The following EPB41L1 variants were observed in gnomAD, a reference collection of about 807,000 sequenced individuals.
EPB41L1 encodes erythrocyte membrane protein band 4.1 like 1.
In EPB41L1, 29 loss-of-function variants were observed where a neutral mutation model predicts 97.8. The observed-to-expected ratio is 0.30, with a 90% CI of 0.22 to 0.40. The LOEUF (loss-of-function observed/expected upper bound fraction) is 0.40. EPB41L1 is among the 10% of genes least tolerant of loss of function. EPB41L1 has a pLI of 1.00. For synonymous variants in EPB41L1, 383 were observed against 459.2 expected, an observed-to-expected ratio of 0.83 and a Z score of 2.12; for missense variants, 812 against 1,162.3, an observed-to-expected ratio of 0.70 and a Z score of 4.38.
At chr20:36,175,225 T>C (rs987410087) in intron 2 of EPB41L1, among the ~76,000 whole-genome samples, 69 of 152,218 alleles carry the variant, frequency 4.5e-4, no homozygotes, top group African/African-American at 1.6e-3. Flanking sequence ...TGATGAGTCA[T>C]GTGCTGCTCT....
intron 2 of EPB41L1, among the ~76,000 whole-genome samples, chr20:36,116,716 C>A (rs2058595826): frequency 6.6e-6 from 1 of 152,176 alleles, no homozygotes; most frequent in African/African-American, 2.4e-5. Context: ...TGCCTCTCAC[C>A]CATGGAGGGG....
chr20:36,150,664 T>C (rs1373779944), upstream of EPB41L1: 1 of 152,204 alleles, frequency 6.6e-6, no homozygotes, highest in African/African-American at 2.4e-5. Flanking sequence ...GGATTAATAA[T>C]TTCAGTGCCA....
chr20:36,114,947 G>A lies in EPB41L1; in HGVS notation c.-10+2467G>A, dbSNP rs116249041. Reference sequence around the variant, plus strand: ...TTGGCAGACCACGAGAACATGCTAGGATATTAGTGGAGCTCTAGGTTGTAA... The same window carrying A: ...TTGGCAGACCACGAGAACATGCTAGAATATTAGTGGAGCTCTAGGTTGTAA... On this transcript the variant is annotated intron_variant, in intron 2 of 19. Coordinates refer to the EPB41L1 transcript ENST00000202028. Among the ~76,000 whole-genome samples, 1,371 of 152,188 alleles carry A rather than the reference G, an allele frequency of 9.0e-3. 23 individuals carry two copies. Among genetic ancestry groups the A allele is most frequent in the African/African-American group, 0.031 (1,307 of 41,506 alleles).
rs780121481 is a variant in EPB41L1, at chr20:36,209,453, C to T, written c.1669-35C>T. 2 of 1,607,560 alleles carry T rather than the reference C, an allele frequency of 1.2e-6. No homozygotes were observed. The highest frequency in any genetic ancestry group is 1.7e-5 in the Admixed American group (1 of 59,784). On this transcript the variant is annotated intron_variant, in intron 14 of 21. Transcript: ENST00000338074. The surrounding 1 kb of genome is among the most constrained non-coding windows in gnomAD (Gnocchi z 4.2). ...TCTCTTTCTCTCTCTCTCCCCACCCCACATCCCCATTCTTTTGATTTTATC... is the reference window on the plus strand; with the variant it reads ...TCTCTTTCTCTCTCTCTCCCCACCCTACATCCCCATTCTTTTGATTTTATC...
chr20:36,144,178 G>T (rs553533162), intron 2 of EPB41L1, among the ~76,000 whole-genome samples: 1 of 152,056 alleles, frequency 6.6e-6, no homozygotes, highest in Non-Finnish European at 1.5e-5. Context: ...AACTGCGCTA[G>T]TCCAACCCCC....
At chr20:36,187,900 TC>T (rs2061752845) in intron 8 of EPB41L1, 137 bp downstream of exon 8, 6 of 762,302 alleles carry the variant, frequency 7.9e-6, no homozygotes, top group Non-Finnish European at 1.4e-5. Context: ...TTCTCATTTC[TC>T]GAAGTTCCAT....
At chr20:36,106,955 A>G (rs2058211228) in intron 1 of EPB41L1, among the ~76,000 whole-genome samples, 1 of 152,092 alleles carries the variant, frequency 6.6e-6, no homozygotes, top group South Asian at 2.1e-4. Flanking sequence ...GGCATGCCCC[A>G]CCATGCTTGG....
At chr20:36,179,642 C>A (rs2061395091) in intron 5 of EPB41L1, among the ~76,000 whole-genome samples, 1 of 152,252 alleles carries the variant, frequency 6.6e-6, no homozygotes, top group African/African-American at 2.4e-5. Context: ...CGCCTCGAGG[C>A]AGAGATGCCT....
Position 36,195,486 on chromosome 20 carries a change from G to A in EPB41L1, c.1485+122G>A. On this transcript the variant is annotated intron_variant, in intron 13 of 21. Coordinates refer to ENST00000338074, the MANE Select transcript of EPB41L1 (RefSeq NM_012156.2). The surrounding 1 kb of genome is among the most constrained non-coding windows in gnomAD (Gnocchi z 4.6). ...CCATCTCAGCTTCAACTTCATCTCT[G>A]CTCCCCAGCCATCCCCCTCTGCAGC... is the stretch of plus-strand genomic sequence containing the variant. The A allele has an allele frequency of 8.5e-7, 1 of 1,173,306 alleles. No individual in the cohort carries two copies. Among genetic ancestry groups the A allele is most frequent in the Non-Finnish European group, 1.3e-6 (1 of 797,628 alleles). 72.7% of individuals were successfully genotyped at this position (1,173,306 alleles called of 1,614,324 possible). A position where few individuals can be genotyped will look rare whatever the true frequency, so the allele number is the denominator to read the frequency against.
intron 1 of EPB41L1, among the ~76,000 whole-genome samples, chr20:36,156,960 G>T (rs1044622481): frequency 6.6e-6 from 1 of 152,094 alleles, no homozygotes; most frequent in African/African-American, 2.4e-5. Flanking sequence ...GCGCCATTGC[G>T]CACGCCTGTA....
At chr20:36,140,724 T>G (rs181563787) in intron 2 of EPB41L1, among the ~76,000 whole-genome samples, 1 of 152,182 alleles carries the variant, frequency 6.6e-6, no homozygotes, top group Non-Finnish European at 1.5e-5. Context: ...AAATGAATAG[T>G]GCAAGAGGAG....
chr20:36,216,398 G>A (rs539534564), intron 17 of EPB41L1, among the ~76,000 whole-genome samples: 5 of 152,218 alleles, frequency 3.3e-5, no homozygotes, highest in East Asian at 1.9e-4. Context: ...GAGGAGTCGG[G>A]GGGGAAGAGC....
chr20:36,154,692 C>CCCAG (rs1299066645), upstream of EPB41L1: 1 of 982,414 alleles, frequency 1.0e-6, no homozygotes, highest in Non-Finnish European at 1.2e-6. The surrounding 1 kb of genome is among the most constrained non-coding windows in gnomAD (Gnocchi z 5.5). Flanking sequence ...GGGCACCGTG[C>CCCAG]CCAGCCCCTG....
intron 19 of EPB41L1, among the ~76,000 whole-genome samples, chr20:36,220,648 G>C (rs1051226686): frequency 2.0e-5 from 3 of 152,086 alleles, no homozygotes; most frequent in Non-Finnish European, 4.4e-5. Context: ...GAGAAGTATG[G>C]AGAGAGACGG....
At chr20:36,222,032 T>C (rs1449935442) in intron 20 of EPB41L1, 88 bp downstream of exon 20, 27 of 1,396,722 alleles carry the variant, frequency 1.9e-5, no homozygotes, top group Non-Finnish European at 2.6e-5. Flanking sequence ...GCTATCCTCA[T>C]GGGCAGAGAA....
At chr20:36,111,959 C>T (rs1334790634) in intron 1 of EPB41L1, among the ~76,000 whole-genome samples, 2 of 152,090 alleles carry the variant, frequency 1.3e-5, no homozygotes, top group Non-Finnish European at 2.9e-5. Context: ...TCTCCCTTCT[C>T]CCCATACATC....
At chr20:36,108,236 T>C (rs2058265343) in intron 1 of EPB41L1, among the ~76,000 whole-genome samples, 1 of 152,034 alleles carries the variant, frequency 6.6e-6, no homozygotes, top group Non-Finnish European at 1.5e-5. Flanking sequence ...CACCTCAGCC[T>C]CCCAAAGTGT....
intron 1 of EPB41L1, among the ~76,000 whole-genome samples, chr20:36,109,365 C>T (rs1003056757): frequency 2.0e-5 from 3 of 152,238 alleles, no homozygotes; most frequent in Non-Finnish European, 2.9e-5. Flanking sequence ...TTGAGCCTTT[C>T]ATCTGCAAAC....
At chr20:36,186,995 G>A (rs899867126) in intron 7 of EPB41L1, among the ~76,000 whole-genome samples, 5 of 152,192 alleles carry the variant, frequency 3.3e-5, no homozygotes, top group African/African-American at 1.2e-4. Context: ...CAATGTCTCT[G>A]TGCCGGTTTT....
Sources: allele counts gnomAD v4.1 joint callset (sites outside exome capture counted in the v4.1 genomes callset), GRCh38; gene constraint gnomAD v4.1.1; non-coding constraint Gnocchi (gnomAD v3.1); transcripts MANE v1.5; gene names NCBI Gene and HGNC (gene_info 2026-07-23, HGNC 2026-07-21).